Variants in C17orf99 observed in about 807,000 individuals in gnomAD.
The protein encoded by C17orf99 is chromosome 17 open reading frame 99.
A neutral mutation model predicts 22.6 loss-of-function variants in C17orf99; 18 were observed. The ratio of observed to expected loss-of-function variants is 0.80; its 90% CI spans 0.55 to 1.18. The LOEUF is 1.18. Among genes scored for constraint, C17orf99 ranks in the 50% most tolerant of loss-of-function variants. The probability of loss-of-function intolerance (pLI) is 0.00; values close to 1 mark genes in which losing one functional copy is unlikely to be tolerated. For synonymous variants in C17orf99, 147 were observed against 136.6 expected (o/e 1.08, Z -0.53); for missense variants, 328 against 342.7 (o/e 0.96, Z 0.34).
chr17:78,165,838 G>C (rs777325907), intron 4 of C17orf99, 51 bp from the exon 5 acceptor site: 104 of 1,279,812 alleles, frequency 8.1e-5, no homozygotes, highest in Non-Finnish European at 9.8e-5. Context: ...CTCGGGAGGG[G>C]ATGGCTGGGA....
At chr17:78,151,847 G>A (rs868166714) in intron 2 of C17orf99, among the ~76,000 whole-genome samples, 23 of 152,276 alleles carry the variant, frequency 1.5e-4, no homozygotes, top group Middle Eastern at 3.4e-3. Flanking sequence ...CTTATTCAAA[G>A]TCAGATCTCA....
chr17:78,155,246 C>T (rs886346653), intron 2 of C17orf99, among the ~76,000 whole-genome samples: 3 of 151,556 alleles, frequency 2.0e-5, no homozygotes, highest in Non-Finnish European at 4.4e-5. Context: ...CAAAATTGCT[C>T]CTGGTTGAGA....
In C17orf99 at chr17:78,160,936, G is replaced by A; in HGVS notation, c.71-19G>A. The A allele has an allele frequency of 6.5e-7, 1 of 1,542,418 alleles. No individual in the cohort carries two copies. Among genetic ancestry groups the A allele is most frequent in the Non-Finnish European group, 8.8e-7 (1 of 1,140,190 alleles). ...AATGTCGGTTTCTTTCTTCCTCCTT[G>A]GACCTTTTCATCTCCCAGAAATTAC... is the stretch of plus-strand genomic sequence containing the variant. On this transcript the variant is annotated intron_variant, in intron 2 of 4. Transcript: ENST00000340363.
upstream of C17orf99, among the ~76,000 whole-genome samples, chr17:78,145,792 CTTTTTTTTTTTT>C (rs5822229): frequency 1.6e-4 from 21 of 128,896 alleles, no homozygotes; most frequent in African/African-American, 5.6e-4. Flanking sequence ...GCGTGGACAT[CTTTTTTTTTTTT>C]TTTTTTTTTG....
chr17:78,157,329 A>AGCG (rs60502457), intron 2 of C17orf99: 26,830 of 594,628 alleles, frequency 0.045, 998 homozygotes, highest in African/African-American at 0.16. Flanking sequence ...TGTGTTCAGC[A>AGCG]GCGGCGGCGG....
rs116316897 is a variant in C17orf99 at position 78,157,020 on chromosome 17, A to G, written c.71-3935A>G. The stretch of plus-strand genomic sequence containing the variant: ...TTTTAGAGGTGAAATTCACATAACA[A>G]AAAGTCAACCATTTAAAAGTGATAA... On this transcript the variant is annotated intron_variant, in intron 2 of 4. Transcript: ENST00000340363. Among the ~76,000 whole-genome samples, 862 of 151,962 alleles carry G rather than the reference A, an allele frequency of 5.7e-3. 13 individuals are homozygous for G. The highest frequency in any genetic ancestry group is 0.019 in the African/African-American group (802 of 41,480).
At chr17:78,154,614 A>T (rs1045716667) in intron 2 of C17orf99, among the ~76,000 whole-genome samples, 2 of 151,846 alleles carry the variant, frequency 1.3e-5, no homozygotes, top group African/African-American at 4.8e-5. Context: ...GGGCTGAGGC[A>T]GGTGGATCAC....
intron 3 of C17orf99, among the ~76,000 whole-genome samples, chr17:78,163,720 G>A (rs148689726): frequency 0.022 from 3,373 of 152,220 alleles, 52 homozygotes; most frequent in Non-Finnish European, 0.036. Context: ...ACAAAAATTA[G>A]CTGGATGTGG....
intron 4 of C17orf99, chr17:78,164,775 G>A (rs1365531233): frequency 9.4e-6 from 12 of 1,273,806 alleles, no homozygotes; most frequent in Non-Finnish European, 1.2e-5. Context: ...GCAGGGCTGT[G>A]GCCAGGGCAA....
At chr17:78,164,022 A>C (rs1416315387) in intron 3 of C17orf99, 73 bp from the exon 4 acceptor site, 4 of 1,280,666 alleles carry the variant, frequency 3.1e-6, no homozygotes, top group Non-Finnish European at 4.4e-6. Context: ...TTTTGTAATG[A>C]GGAGAACTTA....
At chr17:78,160,306 G>T (rs935524575) in intron 2 of C17orf99, among the ~76,000 whole-genome samples, 1 of 152,248 alleles carries the variant, frequency 6.6e-6, no homozygotes. Flanking sequence ...GGGAGGCCAA[G>T]GCGGGTGGAT....
intron 2 of C17orf99, among the ~76,000 whole-genome samples, chr17:78,149,131 A>G (rs1412003800): frequency 1.3e-5 from 2 of 152,088 alleles, no homozygotes; most frequent in Admixed American, 6.6e-5. Context: ...CAGGAGTTTG[A>G]GACCAGCCTG....
Position 78,164,361 on chromosome 17 carries a change from C to T in C17orf99, c.637C>T (p.Pro213Ser), listed in dbSNP as rs1482687503. ...GCACAGCGCCCTCACAGTGGTGCCC[C>T]CAGGTGAGAGGGCCCTTGGATTTCC... ...VQHSALTVVPPGGDQKMEDWQ... is the reference protein window; with the variant it reads ...VQHSALTVVPSGGDQKMEDWQ... Residue 213 changes from proline (P) to serine (S), a missense_variant, in exon 4 of 5, where the codon CCA (proline) becomes TCA (serine). By Grantham distance (74) the Pro-to-Ser change is moderately conservative (BLOSUM62 -1). Coordinates refer to ENST00000340363, the MANE Select transcript of C17orf99 (RefSeq NM_001163075.2). 6.4e-7 allele frequency: 1 copy of T among 1,551,268 alleles called. No individual in the cohort carries two copies. Among genetic ancestry groups the T allele is most frequent in the Non-Finnish European group, 8.7e-7 (1 of 1,146,988 alleles).
chr17:78,145,748 C>T (rs1305260908), upstream of C17orf99, among the ~76,000 whole-genome samples: 13 of 151,306 alleles, frequency 8.6e-5, no homozygotes, highest in East Asian at 3.9e-4. Context: ...CCCCTTGCCG[C>T]GTAGCATGGT....
intron 2 of C17orf99, among the ~76,000 whole-genome samples, chr17:78,158,348 G>A (rs2075545124): frequency 6.6e-6 from 1 of 151,998 alleles, no homozygotes; most frequent in Admixed American, 6.6e-5. Flanking sequence ...AGGCTGGAGT[G>A]CAGTGGCACC....
At chr17:78,154,334 A>G (rs1167040244) in intron 2 of C17orf99, among the ~76,000 whole-genome samples, 6 of 151,548 alleles carry the variant, frequency 4.0e-5, no homozygotes, top group Non-Finnish European at 8.8e-5. Context: ...GGATCACCTG[A>G]GGTCAGGAGT....
At chr17:78,149,471 G>A (rs922954919) in intron 2 of C17orf99, among the ~76,000 whole-genome samples, 17 of 151,960 alleles carry the variant, frequency 1.1e-4, no homozygotes, top group Admixed American at 2.6e-4. Flanking sequence ...CTGGGTACAC[G>A]TGAAGGACCT....
intron 2 of C17orf99, among the ~76,000 whole-genome samples, chr17:78,150,711 G>A (rs2075475277): frequency 6.6e-6 from 1 of 152,172 alleles, no homozygotes; most frequent in Non-Finnish European, 1.5e-5. Flanking sequence ...CACCTGAAGG[G>A]GTAGACAGGG....
chr17:78,163,277 G>A (rs1344343211), intron 3 of C17orf99, among the ~76,000 whole-genome samples: 2 of 151,942 alleles, frequency 1.3e-5, no homozygotes, highest in Non-Finnish European at 2.9e-5. Context: ...CTACTTCAGG[G>A]GACCTATTAA....
Sources: allele counts gnomAD v4.1 joint callset (sites outside exome capture counted in the v4.1 genomes callset), GRCh38; gene constraint gnomAD v4.1.1; transcripts MANE v1.5; gene names NCBI Gene and HGNC (gene_info 2026-07-23, HGNC 2026-07-21).